The following ZMYND8 variants were observed in gnomAD, a reference collection of about 807,000 sequenced individuals.
ZMYND8 encodes MYND-type zinc finger-containing chromatin reader ZMYND8.
ZMYND8 carries 37 observed loss-of-function variants against 140.8 expected under a neutral mutation model. The observed-to-expected ratio is 0.26, with a 90% confidence interval of 0.20 to 0.35. The LOEUF is 0.35. Ranked by LOEUF, ZMYND8 falls within the 10% of genes least tolerant of loss-of-function variation. ZMYND8 has a pLI of 1.00. For synonymous variants in ZMYND8, 592 were observed against 597.1 expected, an observed-to-expected ratio of 0.99 and a Z score of 0.12; for missense variants, 1,068 against 1,570.0, an observed-to-expected ratio of 0.68 and a Z score of 5.40.
chr20:47,212,974 A>C (rs140245712), intron 21 of ZMYND8, among the ~76,000 whole-genome samples: 55 of 152,346 alleles, frequency 3.6e-4, no homozygotes, highest in African/African-American at 9.6e-4. Flanking sequence ...AAGGTATACA[A>C]TGACATAAAA....
chr20:47,229,199 G>C (rs890916112), intron 17 of ZMYND8, among the ~76,000 whole-genome samples: 33 of 151,302 alleles, frequency 2.2e-4, no homozygotes, highest in African/African-American at 8.0e-4. Context: ...GTGCAGGCTG[G>C]TCTCAAACTC....
At chr20:47,230,819 C>T (rs181637396) in intron 16 of ZMYND8, among the ~76,000 whole-genome samples, 136 of 152,242 alleles carry the variant, frequency 8.9e-4, no homozygotes, top group East Asian at 5.2e-3. Context: ...CCCACTCCCC[C>T]GGCCTTAGTC....
At chr20:47,265,798 C>T (rs1264676672) in intron 11 of ZMYND8, among the ~76,000 whole-genome samples, 1 of 152,114 alleles carries the variant, frequency 6.6e-6, no homozygotes, top group Non-Finnish European at 1.5e-5. Context: ...ATAACTAGAA[C>T]AGGCCTTTAA....
chr20:47,226,220 A>C (rs1484462098), intron 18 of ZMYND8, among the ~76,000 whole-genome samples: 1 of 152,062 alleles, frequency 6.6e-6, no homozygotes, highest in African/African-American at 2.4e-5. Flanking sequence ...GAATGAACCA[A>C]GGGCTCCTCT....
rs959473538 is a variant in ZMYND8 at position 47,256,429 on chromosome 20, C to T, written c.1621+5859G>A. On this transcript the variant is annotated intron_variant, in intron 12 of 22. Transcript: ENST00000471951. ...GGTCAGGAGATTGAGACCATCCTGG[C>T]TAACACAGTGAAACCCTGTCTCTAC... 3.3e-5 allele frequency among the ~76,000 whole-genome samples: 5 copies of T among 152,184 alleles called. No homozygotes were observed. In the East Asian group the frequency reaches 9.7e-4, roughly 29 times the overall value.
intron 8 of ZMYND8, among the ~76,000 whole-genome samples, chr20:47,284,104 G>T (rs771268651): frequency 1.3e-5 from 2 of 152,120 alleles, no homozygotes; most frequent in African/African-American, 2.4e-5. Context: ...TGTATTTTTA[G>T]TAGAGACAGG....
At chr20:47,233,909 CTAA>C (rs777226447) in intron 16 of ZMYND8, among the ~76,000 whole-genome samples, 1 of 152,222 alleles carries the variant, frequency 6.6e-6, no homozygotes, top group Non-Finnish European at 1.5e-5. Context: ...TCCCAACCTA[CTAA>C]TATTTTGTGC....
chr20:47,304,557 G>A (rs1226194924), intron 3 of ZMYND8, among the ~76,000 whole-genome samples: 1 of 152,220 alleles, frequency 6.6e-6, no homozygotes, highest in Admixed American at 6.5e-5. Flanking sequence ...CTGGCTGTGT[G>A]TAAACACAAG....
chr20:47,354,144 G>A (rs80034193), intron 1 of ZMYND8: 106 of 152,258 alleles, frequency 7.0e-4, no homozygotes, highest in African/African-American at 2.5e-3. Flanking sequence ...ACTCATGCTT[G>A]GTAGGGGTCA....
intron 14 of ZMYND8, among the ~76,000 whole-genome samples, chr20:47,242,254 G>C (rs1050820216): frequency 6.6e-6 from 1 of 152,208 alleles, no homozygotes; most frequent in Non-Finnish European, 1.5e-5. Context: ...CCCGACTTCA[G>C]AGGGCGTTCT....
At chr20:47,350,629 A>G (rs1031605586) in intron 1 of ZMYND8, among the ~76,000 whole-genome samples, 3 of 152,190 alleles carry the variant, frequency 2.0e-5, no homozygotes, top group African/African-American at 7.2e-5. Flanking sequence ...GGGGGAAAAA[A>G]AACAGTCAAA....
At chr20:47,264,835 G>C (rs2075393918) in intron 11 of ZMYND8, among the ~76,000 whole-genome samples, 2 of 152,074 alleles carry the variant, frequency 1.3e-5, no homozygotes, top group Admixed American at 1.3e-4. Context: ...GGAAGTTCGA[G>C]ACCAGCCTGG....
At chr20:47,221,663 C>T (rs1259086006) in intron 19 of ZMYND8, among the ~76,000 whole-genome samples, 189 bp from the exon 20 acceptor site, 1 of 152,162 alleles carries the variant, frequency 6.6e-6, no homozygotes, top group Non-Finnish European at 1.5e-5. Flanking sequence ...TTTAGAATTC[C>T]AAATTTTAAC....
intron 17 of ZMYND8, among the ~76,000 whole-genome samples, chr20:47,229,028 T>C (rs1009992833): frequency 4.6e-5 from 7 of 151,866 alleles, no homozygotes; most frequent in Non-Finnish European, 7.4e-5. Context: ...CAGGGTCTCA[T>C]TCTGTCTCCC....
chr20:47,306,341 C>CG (rs2078481851), intron 3 of ZMYND8, among the ~76,000 whole-genome samples: 2 of 151,740 alleles, frequency 1.3e-5, no homozygotes, highest in South Asian at 4.2e-4. Flanking sequence ...CCTGCAGAGC[C>CG]GGGGAGGTTG....
chr20:47,234,822 CTCTT>C (rs1010919877), intron 16 of ZMYND8, among the ~76,000 whole-genome samples: 3 of 152,092 alleles, frequency 2.0e-5, no homozygotes, highest in Non-Finnish European at 4.4e-5. Flanking sequence ...ATAAAGCTAA[CTCTT>C]TATTATTAAG....
intron 3 of ZMYND8, among the ~76,000 whole-genome samples, chr20:47,304,489 C>G (rs1305420320): frequency 6.6e-6 from 1 of 152,248 alleles, no homozygotes; most frequent in African/African-American, 2.4e-5. Flanking sequence ...CAGGCAGCAT[C>G]TAGCCCACAG....
Position 47,250,990 on chromosome 20 carries a change from T to C in ZMYND8, c.1622-1551A>G, listed in dbSNP as rs575854343. Among the ~76,000 whole-genome samples, 89 of 151,256 alleles carry C rather than the reference T, an allele frequency of 5.9e-4. 1 individual carries two copies. The highest frequency in any genetic ancestry group is 2.1e-3 in the African/African-American group (87 of 41,180). On this transcript the variant is annotated intron_variant, in intron 12 of 22. Transcript: ENST00000471951. ...CTGTACTGAGCTATGATCACGCCAC[T>C]GCACTCTAGACTGGGAGACAGAGCA...
chr20:47,254,348 T>A (rs150026173), intron 12 of ZMYND8, among the ~76,000 whole-genome samples: 1 of 152,234 alleles, frequency 6.6e-6, no homozygotes, highest in Non-Finnish European at 1.5e-5. Flanking sequence ...TGGCCTCTGA[T>A]GCTCAATTCC....
Sources: allele counts gnomAD v4.1 joint callset (sites outside exome capture counted in the v4.1 genomes callset), GRCh38; gene constraint gnomAD v4.1.1; transcripts MANE v1.5; gene names NCBI Gene and HGNC (gene_info 2026-07-23, HGNC 2026-07-21).